The following ELMO1 variants were observed in gnomAD, a reference collection of about 807,000 sequenced individuals.
ELMO1 encodes engulfment and cell motility protein 1.
ELMO1 carries 26 observed loss-of-function variants against 98.9 expected under a neutral mutation model. The ratio of observed to expected loss-of-function variants is 0.26; its 90% confidence interval spans 0.19 to 0.36. The LOEUF (loss-of-function observed/expected upper bound fraction) is 0.36, where lower values mean the gene tolerates loss of function less well. Ranked by LOEUF, ELMO1 falls within the 10% of genes least tolerant of loss-of-function variation. The pLI is 1.00. For synonymous variants in ELMO1, 346 were observed against 346.0 expected (o/e 1.00, Z 0.00); for missense variants, 627 against 935.2 (o/e 0.67, Z 4.30).
At chr7:37,007,021 CA>C (rs1793182284) in intron 16 of ELMO1, among the ~76,000 whole-genome samples, 1 of 147,528 alleles carries the variant, frequency 6.8e-6, no homozygotes, top group Non-Finnish European at 1.5e-5. Context: ...CTTACATGAA[CA>C]GCTTAAACAC....
chr7:37,219,529 T>TA (rs1227510213), intron 10 of ELMO1, among the ~76,000 whole-genome samples: 1 of 152,196 alleles, frequency 6.6e-6, no homozygotes, highest in African/African-American at 2.4e-5. Context: ...GCAAATCCAG[T>TA]AAATACATGT....
intron 5 of ELMO1, 53 bp downstream of exon 5, chr7:37,271,779 C>G (rs1367701443): frequency 6.3e-7 from 1 of 1,577,858 alleles, no homozygotes; most frequent in African/African-American, 1.4e-5. Flanking sequence ...TCACATATAG[C>G]AGAAACGCAG....
chr7:37,126,133 A>G (rs1786493644), intron 14 of ELMO1, among the ~76,000 whole-genome samples: 1 of 151,030 alleles, frequency 6.6e-6, no homozygotes, highest in African/African-American at 2.4e-5. Flanking sequence ...GACATCACAC[A>G]CTGGGGCCTG....
At chr7:37,430,777 C>A (rs1804901117) in intron 1 of ELMO1, among the ~76,000 whole-genome samples, 1 of 152,232 alleles carries the variant, frequency 6.6e-6, no homozygotes, top group African/African-American at 2.4e-5. Context: ...TTTATCTTGA[C>A]AACCACACAC....
chr7:37,239,293 T>C (rs1794639581), intron 7 of ELMO1, among the ~76,000 whole-genome samples: 1 of 152,078 alleles, frequency 6.6e-6, no homozygotes, highest in Non-Finnish European at 1.5e-5. Flanking sequence ...GTCTCTCAAG[T>C]AGCTGGGATT....
chr7:36,924,924 A>C (rs1209003563), intron 16 of ELMO1, among the ~76,000 whole-genome samples: 1 of 152,196 alleles, frequency 6.6e-6, no homozygotes, highest in Non-Finnish European at 1.5e-5. Context: ...GATGACTTTG[A>C]GGATACAGAA....
At chr7:36,962,892 T>C (rs2129122538) in intron 16 of ELMO1, among the ~76,000 whole-genome samples, 1 of 152,024 alleles carries the variant, frequency 6.6e-6, no homozygotes, top group South Asian at 2.1e-4. Context: ...AGAAAAGTAT[T>C]AAAGAAAATT....
At chr7:37,428,431 C>A (rs532519381) in intron 1 of ELMO1, among the ~76,000 whole-genome samples, 41 of 152,306 alleles carry the variant, frequency 2.7e-4, no homozygotes, top group Admixed American at 1.6e-3. Flanking sequence ...CAACTCCAGA[C>A]AGGGATTGGG....
chr7:37,153,439 C>T (rs1443974614), intron 13 of ELMO1, among the ~76,000 whole-genome samples: 1 of 152,148 alleles, frequency 6.6e-6, no homozygotes, highest in Non-Finnish European at 1.5e-5. Context: ...GCCAAAATAC[C>T]GTGCTTTTCC....
intron 14 of ELMO1, chr7:37,117,300 G>C (rs556054055): frequency 6.5e-6 from 1 of 152,766 alleles, no homozygotes; most frequent in African/African-American, 2.4e-5. Context: ...GAGACAAGGA[G>C]ATAACTACCA....
chr7:37,185,685 G>A (rs1021120796), intron 13 of ELMO1, among the ~76,000 whole-genome samples: 12 of 152,024 alleles, frequency 7.9e-5, no homozygotes, highest in African/African-American at 2.9e-4. Context: ...CTCTTCTTAG[G>A]GATCATTTAT....
chr7:37,154,423 G>C (rs531300872), intron 13 of ELMO1, among the ~76,000 whole-genome samples: 2,603 of 145,218 alleles, frequency 0.018, 37 homozygotes, highest in Non-Finnish European at 0.027. Context: ...CCTGAAAAAA[G>C]GTTAGATGAA....
At chr7:36,925,858 G>A (rs1785525725) in intron 16 of ELMO1, among the ~76,000 whole-genome samples, 1 of 152,130 alleles carries the variant, frequency 6.6e-6, no homozygotes, top group South Asian at 2.1e-4. Context: ...ACAATCTCTG[G>A]AAGTTTAAAC....
intron 1 of ELMO1, among the ~76,000 whole-genome samples, chr7:37,430,461 G>A (rs542570291): frequency 5.3e-5 from 8 of 152,208 alleles, no homozygotes; most frequent in Non-Finnish European, 7.3e-5. Flanking sequence ...AAAAATGGTC[G>A]CTTCTCCCAG....
intron 13 of ELMO1, among the ~76,000 whole-genome samples, chr7:37,140,880 CAA>C (rs1182115746): frequency 6.6e-6 from 1 of 152,090 alleles, no homozygotes. Flanking sequence ...AATCAAAAAA[CAA>C]TAGATGCTGG....
At chr7:37,296,648 C>T (rs1179586568) in intron 4 of ELMO1, among the ~76,000 whole-genome samples, 1 of 34,180 alleles carries the variant, frequency 2.9e-5, no homozygotes, top group Admixed American at 4.3e-4. Context: ...GGGGCCATCT[C>T]AGAATTCCAC....
intron 16 of ELMO1, among the ~76,000 whole-genome samples, chr7:37,003,507 G>C (rs1219389877): frequency 6.6e-6 from 1 of 152,226 alleles, no homozygotes; most frequent in Non-Finnish European, 1.5e-5. Flanking sequence ...GCTGGTGACA[G>C]AGCAGGAGGG....
intron 5 of ELMO1, chr7:37,270,499 G>A (rs903286999): frequency 1.3e-5 from 2 of 152,196 alleles, no homozygotes; most frequent in African/African-American, 4.8e-5. Flanking sequence ...CATGGCTTCA[G>A]TGGAAACTGA....
intron 16 of ELMO1, among the ~76,000 whole-genome samples, chr7:36,907,268 C>T (rs955052588): frequency 6.6e-6 from 1 of 152,158 alleles, no homozygotes; most frequent in African/African-American, 2.4e-5. Flanking sequence ...CTCTTACTAA[C>T]ACACTGCTGT....
Sources: allele counts gnomAD v4.1 joint callset (sites outside exome capture counted in the v4.1 genomes callset), GRCh38; gene constraint gnomAD v4.1.1; transcripts MANE v1.5; gene names NCBI Gene and HGNC (gene_info 2026-07-23, HGNC 2026-07-21).